Variants in CSMD1 observed in about 807,000 individuals in gnomAD.
CSMD1 encodes CUB and Sushi multiple domains 1, also known as CUB and sushi domain-containing protein 1.
In CSMD1, 213 loss-of-function variants were observed where a neutral mutation model predicts 417.5. That is an observed-to-expected ratio of 0.51 (90% CI 0.46 to 0.57). CSMD1 has a LOEUF of 0.57. CSMD1 is among the 20% of genes least tolerant of loss of function. The pLI is 0.00. For synonymous variants in CSMD1, 2,862 were observed against 1,736.8 expected (o/e 1.65, Z -16.11); for missense variants, 6,923 against 4,529.7 (o/e 1.53, Z -15.17).
At chr8:3,967,273 TA>T (rs61002128) in intron 5 of CSMD1, among the ~76,000 whole-genome samples, 42,031 of 151,982 alleles carry the variant, frequency 0.28, 5,971 homozygotes, top group East Asian at 0.44. Context: ...ATTCTCTCTC[TA>T]TACTGTTCTT....
chr8:4,375,685 G>A (rs973004154), intron 3 of CSMD1, among the ~76,000 whole-genome samples: 12 of 152,134 alleles, frequency 7.9e-5, no homozygotes, highest in African/African-American at 2.9e-4. Context: ...CACAGAGTGA[G>A]AGGGGTAATT....
intron 2 of CSMD1, among the ~76,000 whole-genome samples, chr8:4,426,304 T>C (rs930603901): frequency 2.0e-5 from 3 of 151,474 alleles, no homozygotes; most frequent in Admixed American, 6.6e-5. Context: ...AAATTTGTTG[T>C]AGATATAAAA....
chr8:3,685,492 C>T (rs1226449755), intron 7 of CSMD1, among the ~76,000 whole-genome samples: 1 of 152,112 alleles, frequency 6.6e-6, no homozygotes, highest in Non-Finnish European at 1.5e-5. Context: ...GGAGCTCAGA[C>T]TCAAATCCAC....
At chr8:3,491,381 G>A (rs1249972985) in intron 11 of CSMD1, among the ~76,000 whole-genome samples, 4 of 152,132 alleles carry the variant, frequency 2.6e-5, no homozygotes, top group African/African-American at 9.7e-5. Context: ...TTATAGTAAA[G>A]ATCAAATAAG....
At chr8:4,507,012 T>C (rs1408392573) in intron 2 of CSMD1, among the ~76,000 whole-genome samples, 3 of 152,144 alleles carry the variant, frequency 2.0e-5, no homozygotes, top group South Asian at 2.1e-4. Flanking sequence ...AGAATGCTTT[T>C]CCAGGACATT....
chr8:4,520,881 C>A (rs1333165409), intron 2 of CSMD1, among the ~76,000 whole-genome samples: 1 of 152,030 alleles, frequency 6.6e-6, no homozygotes, highest in Non-Finnish European at 1.5e-5. Flanking sequence ...TAACTTATTG[C>A]TGATGACATG....
intron 5 of CSMD1, among the ~76,000 whole-genome samples, chr8:3,812,088 A>C (rs893252267): frequency 6.6e-6 from 1 of 152,204 alleles, no homozygotes; most frequent in African/African-American, 2.4e-5. Flanking sequence ...GGGGTAATGA[A>C]TAAAAAGCTA....
At chr8:4,098,241 A>G (rs1391291897) in intron 3 of CSMD1, among the ~76,000 whole-genome samples, 1 of 152,228 alleles carries the variant, frequency 6.6e-6, no homozygotes, top group Non-Finnish European at 1.5e-5. Context: ...ATTATATTAC[A>G]ATAAATACAA....
intron 11 of CSMD1, among the ~76,000 whole-genome samples, chr8:3,470,765 G>C (rs1462774202): frequency 6.6e-6 from 1 of 152,076 alleles, no homozygotes; most frequent in Non-Finnish European, 1.5e-5. Flanking sequence ...TCATACAAAT[G>C]AAATCACAGT....
intron 3 of CSMD1, among the ~76,000 whole-genome samples, chr8:4,406,076 A>C (rs1433115445): frequency 6.6e-6 from 1 of 152,204 alleles, no homozygotes; most frequent in Admixed American, 6.5e-5. Context: ...TTTTTGGTCT[A>C]TTAGTAAAAT....
At position 3,181,142 on chromosome 8, in the gene CSMD1, A is replaced by C; in HGVS notation, c.5693T>G (p.Val1898Gly). The C allele has an allele frequency of 6.2e-7, 1 of 1,613,924 alleles. No homozygotes were observed. Among genetic ancestry groups the C allele is most frequent in the Non-Finnish European group, 8.5e-7 (1 of 1,179,836 alleles). The change falls in exon 37 of 70, where the codon GTG becomes GGG. Residue 1898 changes from valine (V) to glycine (G), a missense_variant. Transcript: ENST00000635120. ...LYLHFQSDIS[V>G]AAAGFHLEYK... ...TTCCAGGTGGAAACCAGCAGCTGCCACACTAATGTCAGACTGGAAATGCAG... is the reference window on the plus strand; with the variant it reads ...TTCCAGGTGGAAACCAGCAGCTGCCCCACTAATGTCAGACTGGAAATGCAG...
chr8:4,007,073 C>G (rs1013036990), intron 4 of CSMD1, among the ~76,000 whole-genome samples: 1 of 152,006 alleles, frequency 6.6e-6, no homozygotes, highest in African/African-American at 2.4e-5. Flanking sequence ...CTCCTCACTT[C>G]GTGATCCAGC....
At chr8:4,843,728 A>G (rs9314546) in intron 1 of CSMD1, among the ~76,000 whole-genome samples, 131,423 of 152,228 alleles carry the variant, frequency 0.86, 57,563 homozygotes, top group East Asian at 1. Context: ...GTTTTACACA[A>G]TGCCTATCAC....
At chr8:3,517,270 T>C (rs892425305) in intron 10 of CSMD1, among the ~76,000 whole-genome samples, 1 of 152,088 alleles carries the variant, frequency 6.6e-6, no homozygotes, top group African/African-American at 2.4e-5. Flanking sequence ...CACAGAGTTG[T>C]GAATCACAAG....
At chr8:4,332,454 T>G (rs1048554316) in intron 3 of CSMD1, among the ~76,000 whole-genome samples, 1 of 151,872 alleles carries the variant, frequency 6.6e-6, no homozygotes, top group Non-Finnish European at 1.5e-5. Flanking sequence ...GTAAAAACAG[T>G]GTGTACTGTC....
Position 4,031,868 on chromosome 8 carries a change from C to A in CSMD1, c.610+37G>T, listed in dbSNP as rs376847724. On this transcript the variant is annotated intron_variant, in intron 4 of 69. Transcript: ENST00000635120. ...GCATCTCCAAAACCATTGCCCTGCC[C>A]TGGAGTCTGCTCACCAGCCCCCTTG... 8 of 1,536,842 alleles carry A rather than the reference C, an allele frequency of 5.2e-6. No individual in the cohort carries two copies. In the Admixed American group the frequency reaches 7.4e-5, roughly 14 times the overall value.
chr8:4,204,707 T>C (rs1307995694), intron 3 of CSMD1, among the ~76,000 whole-genome samples: 3 of 152,170 alleles, frequency 2.0e-5, no homozygotes, highest in Non-Finnish European at 2.9e-5. Context: ...CAGGCTGGAA[T>C]GCAGCAGTCA....
chr8:4,247,490 C>T (rs1802784169), intron 3 of CSMD1, among the ~76,000 whole-genome samples: 1 of 152,140 alleles, frequency 6.6e-6, no homozygotes, highest in African/African-American at 2.4e-5. Flanking sequence ...TATGCAGGCT[C>T]ATGTTTTCTT....
chr8:4,949,773 T>G (rs2117276672), intron 1 of CSMD1, among the ~76,000 whole-genome samples: 1 of 152,310 alleles, frequency 6.6e-6, no homozygotes, highest in South Asian at 2.1e-4. Context: ...GATATGAAGT[T>G]TCTGTGGCAT....
Sources: gnomAD v4.1 joint callset for allele counts (sites outside exome capture counted in the v4.1 genomes callset) on GRCh38, gnomAD v4.1.1 for gene constraint, MANE v1.5 for transcripts, NCBI Gene and HGNC (gene_info 2026-07-23, HGNC 2026-07-21) for gene names.